Variants in MYOCD observed in about 807,000 individuals in gnomAD.
The protein encoded by MYOCD is myocardin.
A neutral mutation model predicts 96.1 loss-of-function variants in MYOCD; 32 were observed. The observed-to-expected ratio is 0.33, with a 90% confidence interval of 0.25 to 0.45. The LOEUF (loss-of-function observed/expected upper bound fraction) is 0.45, where lower values mean the gene tolerates loss of function less well. Ranked by LOEUF, MYOCD falls within the 20% of genes least tolerant of loss-of-function variation. The probability of loss-of-function intolerance (pLI) is 1.00; values close to 1 mark genes in which losing one functional copy is unlikely to be tolerated. For missense variants in MYOCD, 1,133 were observed against 1,200.6 expected, an observed-to-expected ratio of 0.94 and a Z score of 0.83; for synonymous variants, 469 against 469.0, an observed-to-expected ratio of 1.00 and a Z score of 0.00.
rs1004767873 is a variant in MYOCD, at chr17:12,665,977, C to G, written c.-212C>G. 1.9e-5 allele frequency: 10 copies of G among 538,772 alleles called. No individual in the cohort carries two copies. Among genetic ancestry groups the G allele is most frequent in the African/African-American group, 1.2e-4 (6 of 51,908 alleles). The allele number at this position is 538,772 out of a possible 1,614,324, so 33.4% of individuals were successfully genotyped here. On this transcript the variant is annotated 5_prime_UTR_variant, in exon 1 of 14. Coordinates refer to ENST00000425538, the MANE Select transcript of MYOCD (RefSeq NM_001146312.3). This position sits in a 1 kb window ranked among gnomAD's most constrained non-coding sequence, Gnocchi z 4.2. ...CCTCCGAGGAGGAGGAGGGTCCCGC[C>G]GGCTAAGAGTTAATTAGCCCCGCAC...
At chr17:12,681,330 A>T (rs931534099) in intron 1 of MYOCD, among the ~76,000 whole-genome samples, 14 of 152,144 alleles carry the variant, frequency 9.2e-5, no homozygotes, top group Non-Finnish European at 8.8e-5. Context: ...GAGTTATTTT[A>T]ACATGAAAGC....
At chr17:12,687,096 T>C (rs1414714499) in intron 1 of MYOCD, among the ~76,000 whole-genome samples, 1 of 152,212 alleles carries the variant, frequency 6.6e-6, no homozygotes, top group Non-Finnish European at 1.5e-5. Flanking sequence ...TGCAAACCGA[T>C]GATTTTAAAA....
intron 13 of MYOCD, chr17:12,762,428 A>T (rs1349935586): frequency 3.3e-5 from 5 of 152,352 alleles, no homozygotes; most frequent in Non-Finnish European, 5.9e-5. Context: ...TTTCAGAGGG[A>T]TGCAGTATTT....
At chr17:12,741,850 T>C (rs535391161) in intron 7 of MYOCD, among the ~76,000 whole-genome samples, 2 of 152,156 alleles carry the variant, frequency 1.3e-5, no homozygotes, top group African/African-American at 4.8e-5. Flanking sequence ...GGCAGGCTGG[T>C]TGTTTGTAGA....
chr17:12,718,556 A>G (rs2031718867), intron 4 of MYOCD, among the ~76,000 whole-genome samples: 1 of 152,180 alleles, frequency 6.6e-6, no homozygotes, highest in Non-Finnish European at 1.5e-5. Flanking sequence ...ATCATTTGTT[A>G]TTTATTCTGG....
chr17:12,751,975 G>A (rs1321427059), intron 9 of MYOCD, among the ~76,000 whole-genome samples: 1 of 152,172 alleles, frequency 6.6e-6, no homozygotes, highest in African/African-American at 2.4e-5. Context: ...GTTCAGGTTT[G>A]AGGAAGAGAA....
chr17:12,724,356 A>C (rs1251256142), intron 5 of MYOCD, among the ~76,000 whole-genome samples: 1 of 152,194 alleles, frequency 6.6e-6, no homozygotes, highest in Non-Finnish European at 1.5e-5. Context: ...CCTTGTGATT[A>C]TGTATCGTTG....
At chr17:12,673,863 C>T (rs1909855722) in intron 1 of MYOCD, among the ~76,000 whole-genome samples, 1 of 152,300 alleles carries the variant, frequency 6.6e-6, no homozygotes, top group Non-Finnish European at 1.5e-5. Context: ...TCAGAGTAAC[C>T]TTGGGTACTT....
intron 5 of MYOCD, among the ~76,000 whole-genome samples, chr17:12,730,780 T>C (rs942926454): frequency 7.2e-5 from 11 of 152,174 alleles, no homozygotes; most frequent in Non-Finnish European, 1.5e-4. Context: ...ATAGCTTCTA[T>C]TGCAGTGGAC....
rs367586527 is a variant in MYOCD, at chr17:12,753,361, C to T, written c.2058+15C>T. On this transcript the variant is annotated intron_variant, in intron 10 of 13. Transcript: ENST00000425538. The stretch of plus-strand genomic sequence containing the variant: ...GCACTGCACAGGTAAGAGCACCTTG[C>T]GCCATGCCTGGTGCACACTTCTTTC... 47 of 1,537,224 alleles carry T rather than the reference C, an allele frequency of 3.1e-5. 1 individual carries two copies. The Admixed American group carries it at 3.1e-4, about 10-fold the overall frequency.
intron 1 of MYOCD, among the ~76,000 whole-genome samples, chr17:12,670,530 C>T (rs555964344): frequency 2.6e-5 from 4 of 152,144 alleles, no homozygotes; most frequent in Non-Finnish European, 5.9e-5. Context: ...GACATTTTCA[C>T]CATGAGCTCG....
Position 12,739,310 on chromosome 17 carries a change from C to A in MYOCD, c.699C>A (p.Ala233=), listed in dbSNP as rs769209806. The A allele has an allele frequency of 1.2e-6, 2 of 1,602,568 alleles. No individual in the cohort carries two copies. Among genetic ancestry groups the A allele is most frequent in the Non-Finnish European group, 8.5e-7 (1 of 1,175,550 alleles). Residue 233 remains alanine, a synonymous_variant, in exon 7 of 14, where the codon GCC becomes GCA. Coordinates refer to ENST00000425538, the MANE Select transcript of MYOCD (RefSeq NM_001146312.3). ...QGLGPPSTPI[A]VHAAVKSKSL... The stretch of plus-strand genomic sequence containing the variant: ...TTGGCCCCCCCAGCACCCCCATAGC[C>A]GTGCATGCTGCTGTAAAGGTACGGA...
intron 5 of MYOCD, among the ~76,000 whole-genome samples, chr17:12,730,373 G>T (rs1162573551): frequency 6.6e-6 from 1 of 151,762 alleles, no homozygotes; most frequent in African/African-American, 2.4e-5. Flanking sequence ...GCTTGAACCT[G>T]GGAGGTGGAA....
At position 12,764,364 on chromosome 17, in the gene MYOCD, C is replaced by T. The variant is rs986750586; in HGVS notation, c.*720C>T. On this transcript the variant is annotated 3_prime_UTR_variant, in exon 14 of 14. Transcript: ENST00000425538. ...CTTCTTTTTTAACTAGTGGCCCAAT[C>T]ATTCCCACCATCTCTGTGCTGATAA... The T allele has an allele frequency of 6.6e-5, 10 of 152,288 alleles. No individual in the cohort carries two copies. The highest frequency in any genetic ancestry group is 2.2e-4 in the African/African-American group (9 of 41,458). The allele number at this position is 152,288 out of a possible 1,614,324, so 9.4% of individuals were successfully genotyped here. A position where few individuals can be genotyped will look rare whatever the true frequency, so the allele number is the denominator to read the frequency against.
At chr17:12,762,879 A>G (rs964286225) in intron 13 of MYOCD, 194 bp from the exon 14 acceptor site, 1 of 576,378 alleles carries the variant, frequency 1.7e-6, no homozygotes, top group African/African-American at 1.9e-5. Context: ...TGGAATTCCC[A>G]AGAGGAAAGG....
Position 12,683,142 on chromosome 17 carries a change from G to A in MYOCD, c.55+16899G>A, listed in dbSNP as rs540097042. On this transcript the variant is annotated intron_variant, in intron 1 of 13. Coordinates refer to ENST00000425538, the MANE Select transcript of MYOCD (RefSeq NM_001146312.3). ...TGACTGGCTTTGTTTCCCAATTCAT[G>A]TGGGTGAAAATGGCCACCTCCGACT... Among the ~76,000 whole-genome samples, 3 of 152,272 alleles carry A rather than the reference G, an allele frequency of 2.0e-5. No homozygotes were observed. In the South Asian group the frequency reaches 6.2e-4, roughly 32 times the overall value.
At chr17:12,699,273 CA>C (rs2030940422) in intron 1 of MYOCD, among the ~76,000 whole-genome samples, 1 of 152,250 alleles carries the variant, frequency 6.6e-6, no homozygotes, top group Non-Finnish European at 1.5e-5. Flanking sequence ...CACAGACATG[CA>C]CCACCATGCC....
chr17:12,738,456 C>T (rs2032407359), intron 6 of MYOCD, among the ~76,000 whole-genome samples: 1 of 152,200 alleles, frequency 6.6e-6, no homozygotes, highest in Non-Finnish European at 1.5e-5. Context: ...CGCACGCACA[C>T]ACAAACACAC....
rs2033281658 is a variant in MYOCD at position 12,764,546 on chromosome 17, G to A, written c.*902G>A. 6.6e-6 allele frequency: 1 copy of A among 152,268 alleles called. No homozygotes were observed. Among genetic ancestry groups the A allele is most frequent in the South Asian group, 2.1e-4 (1 of 4,824 alleles). 9.4% of individuals were successfully genotyped at this position (152,268 alleles called of 1,614,324 possible). A position where few individuals can be genotyped will look rare whatever the true frequency, so the allele number is the denominator to read the frequency against. The stretch of plus-strand genomic sequence containing the variant: ...AGGCACAGGAAGGGAGCCCCACCAG[G>A]GATAATTCAGACAGGACTAGAGAAT... On this transcript the variant is annotated 3_prime_UTR_variant, in exon 14 of 14. Coordinates refer to ENST00000425538, the MANE Select transcript of MYOCD (RefSeq NM_001146312.3).
Sources: gnomAD v4.1 joint callset for allele counts (sites outside exome capture counted in the v4.1 genomes callset) on GRCh38, gnomAD v4.1.1 for gene constraint, Gnocchi (gnomAD v3.1) non-coding constraint, MANE v1.5 for transcripts, NCBI Gene and HGNC (gene_info 2026-07-23, HGNC 2026-07-21) for gene names.